Variants in SYTL2 observed in about 807,000 individuals in gnomAD.
SYTL2 encodes synaptotagmin-like protein 2.
SYTL2 carries 165 observed loss-of-function variants against 198.7 expected under a neutral mutation model. That is an observed-to-expected ratio of 0.83 (90% CI 0.73 to 0.94). SYTL2 has a LOEUF of 0.94. SYTL2 is among the 40% of genes least tolerant of loss of function. The pLI, the probability that SYTL2 is intolerant of heterozygous loss-of-function variation, is 0.00. For missense variants in SYTL2, 2,835 were observed against 2,582.8 expected (o/e 1.10, Z -2.12); for synonymous variants, 966 against 917.7 (o/e 1.05, Z -0.95).
chr11:85,845,772 C>T, the SYTL2 span, among the ~76,000 whole-genome samples: 2 of 151,982 alleles, frequency 1.3e-5, no homozygotes, highest in Non-Finnish European at 2.9e-5. Flanking sequence ...AAAAATTAGC[C>T]GGGCATGGTG....
chr11:85,842,627 T>C, the SYTL2 span, among the ~76,000 whole-genome samples: 1 of 152,316 alleles, frequency 6.6e-6, no homozygotes, highest in East Asian at 1.9e-4. Context: ...ATAAGGGTGT[T>C]TTTGGGGGAA....
chr11:85,757,100 A>C (rs1025145395), intron 2 of SYTL2, among the ~76,000 whole-genome samples: 8 of 152,148 alleles, frequency 5.3e-5, no homozygotes, highest in East Asian at 3.8e-4. Context: ...CAAAGTTGCC[A>C]CTCCTCTTTA....
At chr11:85,786,672 C>A (rs949298865) in intron 1 of SYTL2, among the ~76,000 whole-genome samples, 3 of 152,202 alleles carry the variant, frequency 2.0e-5, no homozygotes, top group Non-Finnish European at 4.4e-5. Flanking sequence ...GGCATCAACA[C>A]ATAAAACTTA....
chr11:85,817,910 T>TC, the SYTL2 span, among the ~76,000 whole-genome samples: 1 of 148,598 alleles, frequency 6.7e-6, no homozygotes, highest in Non-Finnish European at 1.5e-5. Context: ...TTCTTTTTTT[T>TC]TTTTTTTTTT....
chr11:85,847,394 T>C, the SYTL2 span, among the ~76,000 whole-genome samples: 1,869 of 152,336 alleles, frequency 0.012, 16 homozygotes, highest in Middle Eastern at 0.031. Flanking sequence ...CCCTTTTTTT[T>C]TTCATTCCTA....
intron 1 of SYTL2, among the ~76,000 whole-genome samples, chr11:85,804,664 C>T (rs1347747475): frequency 6.6e-6 from 1 of 152,196 alleles, no homozygotes; most frequent in Non-Finnish European, 1.5e-5. Context: ...CATTCACTTG[C>T]TTCAGACTGT....
Position 85,734,509 on chromosome 11 carries a change from G to A in SYTL2, c.820C>T (p.Leu274Phe), listed in dbSNP as rs777185965. Residue 274 changes from leucine to phenylalanine, a missense_variant, in exon 7 of 20, where the codon CTC becomes TTC. Around this residue, in one of 3 missense-constraint regions of SYTL2, gnomAD observed 2,645 missense variants for 2,381.7 expected, o/e 1.11. Transcript: ENST00000359152. ...CTACTGGAACTGGAGTTGCGCTTGA[G>A]GATCCCTCTCGGAGCCCCTCTCGCT... ...LKARGAPRGI[L>F]KRNSSSSSTD... is the part of the protein sequence containing the mutation. The A allele has an allele frequency of 3.1e-6, 5 of 1,614,200 alleles. No individual in the cohort carries two copies. The East Asian group carries it at 8.9e-5, about 29-fold the overall frequency.
intron 1 of SYTL2, among the ~76,000 whole-genome samples, chr11:85,801,953 TAC>T (rs2092894921): frequency 6.6e-6 from 1 of 151,900 alleles, no homozygotes; most frequent in Non-Finnish European, 1.5e-5. Context: ...TAGCTGGGAT[TAC>T]AGGCACCCAC....
At chr11:85,731,321 T>G (rs1042207028) in intron 7 of SYTL2, among the ~76,000 whole-genome samples, 7 of 152,198 alleles carry the variant, frequency 4.6e-5, no homozygotes, top group Non-Finnish European at 8.8e-5. Context: ...TCACGCTACC[T>G]GACTTCAAAC....
At chr11:85,743,117 T>G (rs2090920560) in intron 4 of SYTL2, among the ~76,000 whole-genome samples, 1 of 152,318 alleles carries the variant, frequency 6.6e-6, no homozygotes, top group Non-Finnish European at 1.5e-5. Flanking sequence ...CCTATCACCT[T>G]ACACTCCCCA....
chr11:85,698,535 A>G (rs2083753373), intron 17 of SYTL2, among the ~76,000 whole-genome samples: 1 of 152,116 alleles, frequency 6.6e-6, no homozygotes, highest in African/African-American at 2.4e-5. Context: ...CATTTTTAAG[A>G]GTAGTTATAC....
Position 85,727,451 on chromosome 11 carries a change from C to G in SYTL2, c.1907G>C (p.Ser636Thr), listed in dbSNP as rs989805491. Residue 636 changes from serine (S) to threonine (T), a missense_variant, in exon 8 of 20, where the codon AGC becomes ACC. This residue lies in a region of SYTL2 where 2,645 missense variants were observed against 2,381.7 expected (regional missense o/e 1.11). Transcript: ENST00000359152. ...ACTCCCTTGACTTGGGGTGCCATAGCTTTCAAATGGTTGCAATATACCTGG... is the reference window on the plus strand; with the variant it reads ...ACTCCCTTGACTTGGGGTGCCATAGGTTTCAAATGGTTGCAATATACCTGG... ...EGPGILQPFE[S>T]YGTPSQGSKN... 2 of 1,536,070 alleles carry G rather than the reference C, an allele frequency of 1.3e-6. No individual in the cohort carries two copies. The highest frequency in any genetic ancestry group is 1.7e-6 in the Non-Finnish European group (2 of 1,146,870).
chr11:85,838,602 C>T, the SYTL2 span, among the ~76,000 whole-genome samples: 1 of 151,976 alleles, frequency 6.6e-6, no homozygotes, highest in Non-Finnish European at 1.5e-5. Context: ...GGAACAAGTG[C>T]GAGAGAGTGC....
chr11:85,827,008 C>G, the SYTL2 span, among the ~76,000 whole-genome samples: 12 of 152,288 alleles, frequency 7.9e-5, no homozygotes, highest in African/African-American at 2.9e-4. Context: ...AGATAATAAG[C>G]CGAAGGACCC....
At chr11:85,749,782 C>T (rs1264770056) in intron 2 of SYTL2, among the ~76,000 whole-genome samples, 1 of 152,184 alleles carries the variant, frequency 6.6e-6, no homozygotes, top group Non-Finnish European at 1.5e-5. Flanking sequence ...GTTGGTGAAC[C>T]TTTGCCTTCT....
At chr11:85,777,416 A>G (rs575788838) in intron 1 of SYTL2, among the ~76,000 whole-genome samples, 5 of 152,316 alleles carry the variant, frequency 3.3e-5, no homozygotes, top group Non-Finnish European at 4.4e-5. Context: ...GACTTATCAC[A>G]TGCCTGTACA....
chr11:85,709,549 C>G, intron 13 of SYTL2, 49 bp from the exon 14 acceptor site: 1 of 1,558,500 alleles, frequency 6.4e-7, no homozygotes, highest in African/African-American at 1.4e-5. Flanking sequence ...CATTCTTAAA[C>G]CTAGCACAAG....
intron 2 of SYTL2, among the ~76,000 whole-genome samples, chr11:85,754,904 C>T (rs552839328): frequency 2.6e-5 from 4 of 152,222 alleles, no homozygotes; most frequent in Admixed American, 1.3e-4. Flanking sequence ...GGAAAAGCAC[C>T]GGCCCAAGAG....
chr11:85,801,308 C>T (rs2153648419), intron 1 of SYTL2, among the ~76,000 whole-genome samples: 1 of 152,268 alleles, frequency 6.6e-6, no homozygotes, highest in Admixed American at 6.5e-5. Context: ...TGGATTCAAG[C>T]TTCAATCATT....
Sources: allele counts gnomAD v4.1 joint callset (sites outside exome capture counted in the v4.1 genomes callset), GRCh38; gene constraint gnomAD v4.1.1; regional missense constraint gnomAD v4.1.1; transcripts MANE v1.5; gene names NCBI Gene and HGNC (gene_info 2026-07-23, HGNC 2026-07-21).